Variants in SLC9A7 observed in about 807,000 individuals in gnomAD.
SLC9A7 encodes sodium/hydrogen exchanger 7.
Under a neutral mutation model 52.6 loss-of-function variants are expected in SLC9A7, and 19 were observed. The observed-to-expected ratio is 0.36, with a 90% CI of 0.25 to 0.53. The LOEUF is 0.53. SLC9A7 is among the 20% of genes least tolerant of loss of function. The probability of loss-of-function intolerance (pLI) is 0.91; values close to 1 mark genes in which losing one functional copy is unlikely to be tolerated. For synonymous variants in SLC9A7, 226 were observed against 252.1 expected (o/e 0.90, Z 0.98); for missense variants, 455 against 597.9 (o/e 0.76, Z 2.49).
intron 1 of SLC9A7, among the ~76,000 whole-genome samples, chrX:46,717,538 C>G (rs1280911826): frequency 9.0e-6 from 1 of 110,905 alleles, no homozygotes; most frequent in East Asian, 2.8e-4. Flanking sequence ...CGCCACTGTA[C>G]CTGGCTAATT....
chrX:46,711,232 C>T (rs930138151), intron 1 of SLC9A7, among the ~76,000 whole-genome samples: 1 of 112,959 alleles, frequency 8.9e-6, no homozygotes, highest in Non-Finnish European at 1.9e-5. Flanking sequence ...ATGGCTCTGT[C>T]CTCCACATTT....
At chrX:46,711,127 T>C (rs911251464) in intron 1 of SLC9A7, among the ~76,000 whole-genome samples, 22 of 112,884 alleles carry the variant, frequency 1.9e-4, no homozygotes, top group Admixed American at 8.4e-4. Flanking sequence ...TCTTGCAGCC[T>C]GCCAGCAACA....
In SLC9A7 at chrX:46,721,386, A is replaced by C. The variant is rs755352726; in HGVS notation, c.325+37319T>G. Among the ~76,000 whole-genome samples, 3 of 112,079 alleles carry C rather than the reference A, an allele frequency of 2.7e-5. No homozygotes were observed. In the East Asian group the frequency reaches 8.4e-4, roughly 31 times the overall value. On this transcript the variant is annotated intron_variant, in intron 1 of 16. Transcript: ENST00000616978. ...GAAGAGTGGAATTTTCAAAGATGCAAATAGTTCCCCTCGGTCATATTACCC... is the reference window on the plus strand; with the variant it reads ...GAAGAGTGGAATTTTCAAAGATGCACATAGTTCCCCTCGGTCATATTACCC...
At chrX:46,722,137 TCAA>T (rs753119248) in intron 1 of SLC9A7, among the ~76,000 whole-genome samples, 5 of 110,897 alleles carry the variant, frequency 4.5e-5, no homozygotes, top group South Asian at 3.8e-4. Context: ...AGTACTAGGG[TCAA>T]CAACAGCCTT....
chrX:46,609,802 C>T (rs1942817166), intron 16 of SLC9A7, among the ~76,000 whole-genome samples: 1 of 109,984 alleles, frequency 9.1e-6, no homozygotes, highest in Non-Finnish European at 1.9e-5. Flanking sequence ...CCGAGGCGAG[C>T]GGATCACTTG....
At chrX:46,669,778 G>A (rs1057338037) in intron 4 of SLC9A7, 59 bp from the exon 5 acceptor site, 17 of 567,941 alleles carry the variant, frequency 3.0e-5, no homozygotes, top group East Asian at 1.1e-4. Flanking sequence ...TAGCAAACAC[G>A]CAAGCAGAAT....
chrX:46,675,115 G>GTA (rs1944097344), intron 3 of SLC9A7, among the ~76,000 whole-genome samples: 1 of 91,509 alleles, frequency 1.1e-5, no homozygotes, highest in Non-Finnish European at 2.0e-5. Flanking sequence ...GTGTGTGTGT[G>GTA]TGTGTTTGGT....
chrX:46,671,405 C>T (rs941150063), intron 4 of SLC9A7, among the ~76,000 whole-genome samples: 27 of 109,356 alleles, frequency 2.5e-4, no homozygotes, highest in African/African-American at 8.0e-4. Context: ...GGACTACAGG[C>T]GCCCGCCACC....
At chrX:46,638,310 C>A (rs1458126799) in intron 12 of SLC9A7, among the ~76,000 whole-genome samples, 2 of 111,844 alleles carry the variant, frequency 1.8e-5, no homozygotes, top group Non-Finnish European at 3.8e-5. Flanking sequence ...TTATACACAT[C>A]TGGAAAAATG....
intron 3 of SLC9A7, among the ~76,000 whole-genome samples, chrX:46,678,952 C>T (rs1944166677): frequency 9.0e-6 from 1 of 110,605 alleles, no homozygotes; most frequent in South Asian, 3.8e-4. Context: ...GCATAACTAC[C>T]ACCACAATCA....
chrX:46,644,664 C>A (rs1383406847), intron 11 of SLC9A7, among the ~76,000 whole-genome samples: 1 of 109,801 alleles, frequency 9.1e-6, no homozygotes, highest in Non-Finnish European at 1.9e-5. Context: ...ACTGAATCTA[C>A]AGTCTTTAGT....
Position 46,601,666 on chromosome X carries a change from A to T in SLC9A7, c.*5286T>A, listed in dbSNP as rs1942662226. 8.9e-6 allele frequency: 1 copy of T among 112,477 alleles called. No individual in the cohort carries two copies. The highest frequency in any genetic ancestry group is 3.2e-5 in the African/African-American group (1 of 31,027). 9.3% of individuals were successfully genotyped at this position (112,477 alleles called of 1,213,427 possible). A position where few individuals can be genotyped will look rare whatever the true frequency, so the allele number is the denominator to read the frequency against. On this transcript the variant is annotated 3_prime_UTR_variant, in exon 17 of 17. Coordinates refer to ENST00000616978, the MANE Select transcript of SLC9A7 (RefSeq NM_001257291.2). ...GCTTATTTGTCTGATCACCCCAGTA[A>T]CCACCCTGGATGCTCGGATCCATAT...
Position 46,672,547 on chromosome X carries a change from T to C in SLC9A7, c.680+4A>G, listed in dbSNP as rs1727053346. On this transcript the variant is annotated splice_donor_region_variant and intron_variant, in intron 4 of 16. Coordinates refer to ENST00000616978, the MANE Select transcript of SLC9A7 (RefSeq NM_001257291.2). ...ATTTGGTTATATGACAAAGGTTCAC[T>C]TACCCAATAATGAAGCATGAAACAG... is the stretch of plus-strand genomic sequence containing the variant. 1.7e-6 allele frequency: 2 copies of C among 1,194,671 alleles called. No individual in the cohort carries two copies. Among genetic ancestry groups the C allele is most frequent in the African/African-American group, 3.5e-5 (2 of 56,798 alleles).
At chrX:46,725,907 G>T in intron 1 of SLC9A7, 1 of 386,238 alleles carries the variant, frequency 2.6e-6, no homozygotes, top group Admixed American at 3.5e-5. Context: ...AGGAGCTATA[G>T]GAATCAGAAG....
At chrX:46,608,200 T>C (rs1424705222) in intron 16 of SLC9A7, among the ~76,000 whole-genome samples, 1 of 112,480 alleles carries the variant, frequency 8.9e-6, no homozygotes, top group Non-Finnish European at 1.9e-5. Flanking sequence ...AGTGACCTCC[T>C]TCTCCACACC....
intron 1 of SLC9A7, among the ~76,000 whole-genome samples, chrX:46,727,923 C>G (rs1173308813): frequency 9.0e-6 from 1 of 111,378 alleles, no homozygotes; most frequent in East Asian, 2.8e-4. Context: ...ACCAGCATAA[C>G]AATCTGAGTA....
At chrX:46,753,348 C>T (rs1389718674) in intron 1 of SLC9A7, among the ~76,000 whole-genome samples, 1 of 111,798 alleles carries the variant, frequency 8.9e-6, no homozygotes, top group Non-Finnish European at 1.9e-5. Context: ...CATAAAAGCA[C>T]ATATATCATA....
intron 14 of SLC9A7, among the ~76,000 whole-genome samples, chrX:46,630,178 A>G (rs1943199932): frequency 9.0e-6 from 1 of 111,570 alleles, no homozygotes; most frequent in South Asian, 3.7e-4. Context: ...AAGAGAAAGA[A>G]ACCACAAAAG....
intron 1 of SLC9A7, among the ~76,000 whole-genome samples, chrX:46,707,675 G>C (rs771028655): frequency 1.8e-5 from 2 of 112,302 alleles, no homozygotes; most frequent in Non-Finnish European, 3.8e-5. Flanking sequence ...CTAAGCAAAA[G>C]AATCAAAAGA....
Sources: allele counts gnomAD v4.1 joint callset (sites outside exome capture counted in the v4.1 genomes callset), GRCh38; gene constraint gnomAD v4.1.1; transcripts MANE v1.5; gene names NCBI Gene and HGNC (gene_info 2026-07-23, HGNC 2026-07-21).